REDIC1: variants seen among roughly 807,000 people sequenced by gnomAD.
The protein encoded by REDIC1 is regulator of DNA class I crossover intermediates 1, also known as HEI10 Interacting Protein 1.
At chr12:39,698,684 G>T in the REDIC1 span, among the ~76,000 whole-genome samples, 7 of 151,976 alleles carry the variant, frequency 4.6e-5, no homozygotes, top group African/African-American at 1.4e-4. Flanking sequence ...AAATAATGAG[G>T]AATTTTGGGA....
the REDIC1 span, among the ~76,000 whole-genome samples, chr12:39,701,843 G>A: frequency 3.3e-5 from 5 of 151,564 alleles, no homozygotes; most frequent in African/African-American, 1.2e-4. Context: ...ATGACTACTG[G>A]GTACATAACG....
chr12:39,796,047 TC>T, the REDIC1 span, among the ~76,000 whole-genome samples: 1 of 151,950 alleles, frequency 6.6e-6, no homozygotes, highest in East Asian at 1.9e-4. Flanking sequence ...AAACCTCTTC[TC>T]CCCCCAGCCT....
the REDIC1 span, chr12:39,864,944 G>A: frequency 1.4e-6 from 2 of 1,466,112 alleles, no homozygotes; most frequent in Admixed American, 2.2e-5. Flanking sequence ...GGCAGACTGG[G>A]TTTGGTAAAA....
the REDIC1 span, among the ~76,000 whole-genome samples, chr12:39,736,179 C>G: frequency 6.6e-6 from 1 of 152,190 alleles, no homozygotes; most frequent in Non-Finnish European, 1.5e-5. Flanking sequence ...GACAGCTGAC[C>G]TGAGTCAAGG....
At chr12:39,836,125 A>ACCTTTT in the REDIC1 span, among the ~76,000 whole-genome samples, 1 of 152,142 alleles carries the variant, frequency 6.6e-6, no homozygotes, top group Non-Finnish European at 1.5e-5. Context: ...TTTCATAGTA[A>ACCTTTT]AAGGACATTA....
chr12:39,679,026 C>T, the REDIC1 span, among the ~76,000 whole-genome samples: 1 of 152,042 alleles, frequency 6.6e-6, no homozygotes. Context: ...GCATTCCCCC[C>T]AAGAACTGGA....
At chr12:39,636,250 A>C in the REDIC1 span, among the ~76,000 whole-genome samples, 16 of 152,134 alleles carry the variant, frequency 1.1e-4, no homozygotes, top group South Asian at 2.1e-4. Flanking sequence ...AACTTATTTT[A>C]ATTAGGCTCT....
At chr12:39,711,802 C>A in the REDIC1 span, among the ~76,000 whole-genome samples, 1 of 112,426 alleles carries the variant, frequency 8.9e-6, no homozygotes, top group Non-Finnish European at 1.9e-5. Context: ...TGTACACATG[C>A]ATGTGTATGT....
At chr12:39,764,821 AT>A in the REDIC1 span, 1 of 1,612,516 alleles carries the variant, frequency 6.2e-7, no homozygotes, top group South Asian at 1.1e-5. Flanking sequence ...TAAGCCCAAA[AT>A]ATATCTTCTG....
chr12:39,867,554 A>G, the REDIC1 span, among the ~76,000 whole-genome samples: 1 of 152,202 alleles, frequency 6.6e-6, no homozygotes, highest in African/African-American at 2.4e-5. Flanking sequence ...GAGCTCTGCA[A>G]TATGGATAAT....
chr12:39,741,301 A>C, the REDIC1 span, among the ~76,000 whole-genome samples: 1 of 152,216 alleles, frequency 6.6e-6, no homozygotes, highest in Non-Finnish European at 1.5e-5. Flanking sequence ...TCTCCTTTAA[A>C]AAAAAATAAC....
chr12:39,684,945 A>C, the REDIC1 span: 1 of 1,583,540 alleles, frequency 6.3e-7, no homozygotes, highest in Non-Finnish European at 8.6e-7. Context: ...ACAGTCTCAC[A>C]TTATCTTCTC....
chr12:39,721,564 G>T, the REDIC1 span: 2 of 193,966 alleles, frequency 1.0e-5, no homozygotes, highest in South Asian at 1.3e-4. Context: ...TGTTATTTAT[G>T]GGTTAAAATA....
chr12:39,759,869 G>T, the REDIC1 span: 1 of 589,890 alleles, frequency 1.7e-6, no homozygotes. Context: ...AAGTCATCAT[G>T]GTTGTATCTT....
At chr12:39,790,379 C>T in the REDIC1 span, among the ~76,000 whole-genome samples, 2 of 118,866 alleles carry the variant, frequency 1.7e-5, no homozygotes, top group Admixed American at 1.0e-4. Flanking sequence ...CCTCCCCCCA[C>T]CCCACCACAG....
the REDIC1 span, among the ~76,000 whole-genome samples, chr12:39,708,687 A>C: frequency 1.3e-5 from 2 of 151,714 alleles, no homozygotes; most frequent in East Asian, 3.9e-4. Flanking sequence ...ATAACTTTCC[A>C]TATGTAGCTG....
the REDIC1 span, among the ~76,000 whole-genome samples, chr12:39,718,117 A>G: frequency 6.6e-6 from 1 of 152,132 alleles, no homozygotes; most frequent in African/African-American, 2.4e-5. Flanking sequence ...GGCTTTTTCT[A>G]TAACAGTAAT....
the REDIC1 span, chr12:39,755,809 G>T: frequency 6.6e-6 from 1 of 151,906 alleles, no homozygotes; most frequent in Non-Finnish European, 1.5e-5. Flanking sequence ...TACATATAAA[G>T]ATTTACATAA....
chr12:39,743,251 T>C, the REDIC1 span, among the ~76,000 whole-genome samples: 1 of 152,174 alleles, frequency 6.6e-6, no homozygotes, highest in African/African-American at 2.4e-5. Flanking sequence ...CAGCCTACTG[T>C]AGCTGTCCTT....
Sources: gnomAD v4.1 joint callset for allele counts (sites outside exome capture counted in the v4.1 genomes callset) on GRCh38, gnomAD v4.1.1 for gene constraint, MANE v1.5 for transcripts, NCBI Gene and HGNC (gene_info 2026-07-23, HGNC 2026-07-21) for gene names.